SPMIP2: variants seen among roughly 807,000 people sequenced by gnomAD.
SPMIP2 encodes the protein protein SPMIP2.
the SPMIP2 span, among the ~76,000 whole-genome samples, chr4:158,961,546 G>T: frequency 6.6e-6 from 1 of 151,998 alleles, no homozygotes; most frequent in Non-Finnish European, 1.5e-5. Context: ...CCTGAAAATT[G>T]AATTTGAATT....
chr4:159,059,564 G>T, the SPMIP2 span, among the ~76,000 whole-genome samples: 2 of 148,826 alleles, frequency 1.3e-5, no homozygotes, highest in East Asian at 3.9e-4. Context: ...GTAGAGACAG[G>T]GTCTTGCTAT....
chr4:158,913,244 ACAGT>A, the SPMIP2 span, among the ~76,000 whole-genome samples: 498 of 152,286 alleles, frequency 3.3e-3, 2 homozygotes, highest in African/African-American at 0.011. Flanking sequence ...ATTTTTTAAG[ACAGT>A]CAGGCTCTCT....
chr4:158,952,182 G>A, the SPMIP2 span, among the ~76,000 whole-genome samples: 1 of 152,144 alleles, frequency 6.6e-6, no homozygotes. Flanking sequence ...AGTACTCCTT[G>A]CTTGTTATTT....
At chr4:158,932,171 G>A in the SPMIP2 span, among the ~76,000 whole-genome samples, 1 of 152,198 alleles carries the variant, frequency 6.6e-6, no homozygotes, top group African/African-American at 2.4e-5. Flanking sequence ...TTTATGCAGT[G>A]TTCTTTTAAG....
At chr4:158,903,183 T>G in the SPMIP2 span, among the ~76,000 whole-genome samples, 3 of 152,182 alleles carry the variant, frequency 2.0e-5, no homozygotes, top group African/African-American at 7.2e-5. Context: ...GTATCCAGAC[T>G]GCAGTGCAGA....
the SPMIP2 span, among the ~76,000 whole-genome samples, chr4:159,020,813 G>C: frequency 1.3e-5 from 2 of 152,172 alleles, no homozygotes. Context: ...CCAGGCTGGA[G>C]TGCAGTGGCG....
the SPMIP2 span, among the ~76,000 whole-genome samples, chr4:159,031,486 A>G: frequency 6.6e-6 from 1 of 152,258 alleles, no homozygotes; most frequent in South Asian, 2.1e-4. Context: ...AGTTTAAAAT[A>G]GACAAAAAGA....
At chr4:158,897,242 T>C in the SPMIP2 span, among the ~76,000 whole-genome samples, 8 of 152,254 alleles carry the variant, frequency 5.3e-5, no homozygotes, top group Non-Finnish European at 1.0e-4. Flanking sequence ...AGTCTATCAT[T>C]GATGGGCATT....
the SPMIP2 span, among the ~76,000 whole-genome samples, chr4:158,955,745 C>T: frequency 6.6e-6 from 1 of 152,120 alleles, no homozygotes; most frequent in South Asian, 2.1e-4. Context: ...TAGTTTTACA[C>T]TGGAGGCCAA....
At chr4:159,025,141 G>T in the SPMIP2 span, among the ~76,000 whole-genome samples, 1 of 152,156 alleles carries the variant, frequency 6.6e-6, no homozygotes, top group Admixed American at 6.5e-5. Context: ...CCAGCAGGGT[G>T]GGCATCACCT....
chr4:159,011,836 G>T, the SPMIP2 span, among the ~76,000 whole-genome samples: 1 of 151,998 alleles, frequency 6.6e-6, no homozygotes, highest in African/African-American at 2.4e-5. Flanking sequence ...AGGGTGGGTG[G>T]ATTACCTGAG....
At chr4:159,014,710 A>G in the SPMIP2 span, among the ~76,000 whole-genome samples, 1 of 152,042 alleles carries the variant, frequency 6.6e-6, no homozygotes, top group Non-Finnish European at 1.5e-5. Context: ...GTATTTCGTC[A>G]TTTATGTCAG....
the SPMIP2 span, among the ~76,000 whole-genome samples, chr4:159,016,551 T>C: frequency 6.6e-6 from 1 of 152,124 alleles, no homozygotes; most frequent in South Asian, 2.1e-4. Flanking sequence ...ATTAAGTTGG[T>C]TATTTATTTA....
chr4:158,915,378 G>A, the SPMIP2 span: 1 of 1,585,920 alleles, frequency 6.3e-7, no homozygotes, highest in Non-Finnish European at 8.6e-7. Context: ...GGAACAAATT[G>A]GTTCTGAAAT....
At chr4:158,915,261 G>T in the SPMIP2 span, 1 of 1,613,614 alleles carries the variant, frequency 6.2e-7, no homozygotes, top group Non-Finnish European at 8.5e-7. Flanking sequence ...AGCCCATTTG[G>T]AATTTCTCTG....
At chr4:159,011,647 G>A in the SPMIP2 span, among the ~76,000 whole-genome samples, 1 of 152,014 alleles carries the variant, frequency 6.6e-6, no homozygotes, top group Non-Finnish European at 1.5e-5. Context: ...CCAGCTACAG[G>A]GGAGGCTGAG....
chr4:159,059,750 G>C, the SPMIP2 span, among the ~76,000 whole-genome samples: 1 of 152,200 alleles, frequency 6.6e-6, no homozygotes, highest in African/African-American at 2.4e-5. Context: ...TCTGAACAGG[G>C]AAAGAAGAGC....
chr4:158,922,740 A>C, the SPMIP2 span, among the ~76,000 whole-genome samples: 19 of 152,164 alleles, frequency 1.2e-4, no homozygotes, highest in African/African-American at 3.9e-4. Context: ...TTATAGTAAC[A>C]CTCAGTCCCC....
chr4:159,063,796 AT>A, the SPMIP2 span, among the ~76,000 whole-genome samples: 1 of 152,158 alleles, frequency 6.6e-6, no homozygotes, highest in Non-Finnish European at 1.5e-5. Flanking sequence ...AACAGAGAAT[AT>A]TTTTTGAATC....
Sources: gnomAD v4.1 joint callset for allele counts (sites outside exome capture counted in the v4.1 genomes callset) on GRCh38, gnomAD v4.1.1 for gene constraint, MANE v1.5 for transcripts, NCBI Gene and HGNC (gene_info 2026-07-23, HGNC 2026-07-21) for gene names.